Variants in RARB observed in about 807,000 individuals in gnomAD.
The protein encoded by RARB is retinoic acid receptor beta, also known as HBV-activated protein.
Under a neutral mutation model 51.9 loss-of-function variants are expected in RARB, and 17 were observed. The observed-to-expected ratio is 0.33, with a 90% CI of 0.22 to 0.49. RARB has a LOEUF of 0.49. RARB is among the 20% of genes least tolerant of loss of function. RARB has a pLI of 0.99. For synonymous variants in RARB, 215 were observed against 195.4 expected (o/e 1.10, Z -0.84); for missense variants, 369 against 550.8 (o/e 0.67, Z 3.30).
intron 3 of RARB, among the ~76,000 whole-genome samples, chr3:25,125,121 A>ATT (rs958597492): frequency 6.6e-6 from 1 of 152,208 alleles, no homozygotes; most frequent in Non-Finnish European, 1.5e-5. Flanking sequence ...CTCAAAAAAT[A>ATT]TTGATTTTTT....
At chr3:24,834,210 G>A (rs745421560) in intron 1 of RARB, among the ~76,000 whole-genome samples, 1 of 152,132 alleles carries the variant, frequency 6.6e-6, no homozygotes, top group Non-Finnish European at 1.5e-5. Context: ...ACAGATTATG[G>A]AATTTCACTT....
intron 2 of RARB, among the ~76,000 whole-genome samples, chr3:25,494,723 A>T (rs1282198745): frequency 1.3e-5 from 2 of 152,200 alleles, no homozygotes; most frequent in African/African-American, 4.8e-5. Context: ...TTAAATATAG[A>T]GATGGCCTTT....
intron 4 of RARB, among the ~76,000 whole-genome samples, chr3:25,172,500 G>A (rs542797881): frequency 6.6e-6 from 1 of 152,170 alleles, no homozygotes; most frequent in Non-Finnish European, 1.5e-5. Flanking sequence ...TATTTGATTA[G>A]AACATTGTAG....
chr3:25,219,769 A>C (rs1701906269), intron 5 of RARB, among the ~76,000 whole-genome samples: 1 of 152,182 alleles, frequency 6.6e-6, no homozygotes, highest in African/African-American at 2.4e-5. Context: ...TTGTCAAAGA[A>C]CCATACTACC....
intron 2 of RARB, among the ~76,000 whole-genome samples, chr3:24,935,323 T>C (rs2125396285): frequency 6.6e-6 from 1 of 152,262 alleles, no homozygotes; most frequent in East Asian, 1.9e-4. Context: ...ATTTATTTCC[T>C]TCCCTAGTAT....
chr3:25,238,155 C>T (rs555370277), intron 5 of RARB, among the ~76,000 whole-genome samples: 4 of 151,904 alleles, frequency 2.6e-5, no homozygotes, highest in Admixed American at 6.6e-5. Flanking sequence ...CCAGCGCCCC[C>T]CCACACATCC....
At chr3:25,545,298 G>C (rs529834296) in intron 3 of RARB, among the ~76,000 whole-genome samples, 1 of 152,138 alleles carries the variant, frequency 6.6e-6, no homozygotes, top group Non-Finnish European at 1.5e-5. Flanking sequence ...CCTTAAGAAA[G>C]ATGGCAGTGA....
At chr3:25,173,129 T>C (rs1700674714) in intron 4 of RARB, among the ~76,000 whole-genome samples, 2 of 152,208 alleles carry the variant, frequency 1.3e-5, no homozygotes, top group African/African-American at 4.8e-5. Flanking sequence ...AGGGCCAAGG[T>C]GAGGCTATGA....
intron 2 of RARB, among the ~76,000 whole-genome samples, chr3:25,002,091 C>T (rs1296449342): frequency 6.6e-6 from 1 of 152,074 alleles, no homozygotes. Context: ...ATTCTTGGGA[C>T]AGTGGATTTA....
At chr3:25,059,791 G>T (rs1283348460) in intron 2 of RARB, among the ~76,000 whole-genome samples, 1 of 151,616 alleles carries the variant, frequency 6.6e-6, no homozygotes, top group Admixed American at 6.6e-5. Flanking sequence ...AGGATTCTTT[G>T]TCCCCCCAAA....
intron 5 of RARB, among the ~76,000 whole-genome samples, chr3:25,279,687 G>A (rs1365715157): frequency 6.6e-6 from 1 of 152,078 alleles, no homozygotes; most frequent in Admixed American, 6.6e-5. Context: ...AAATATGGTG[G>A]ATGGCCAGAG....
chr3:25,461,049 A>T, intron 1 of RARB, 144 bp from the exon 2 acceptor site: 1 of 927,924 alleles, frequency 1.1e-6, no homozygotes, highest in Non-Finnish European at 1.6e-6. Flanking sequence ...TGCTGGGCCT[A>T]CAATGACAGC....
intron 4 of RARB, among the ~76,000 whole-genome samples, chr3:25,152,074 C>T (rs1329923273): frequency 1.3e-5 from 2 of 152,170 alleles, no homozygotes; most frequent in Non-Finnish European, 2.9e-5. Flanking sequence ...CTATATTTGA[C>T]TGATTTACAC....
rs186341655 is a variant in RARB, at chr3:25,172,788, C to T, written c.-279-1331C>T. On this transcript the variant is annotated intron_variant, in intron 4 of 11. Transcript: ENST00000383772. Reference sequence around the variant, plus strand: ...AATAGAAACTCTTACCAAGCGTTTACTATTTACCTAGTGTTTACTATATAC... The same window carrying T: ...AATAGAAACTCTTACCAAGCGTTTATTATTTACCTAGTGTTTACTATATAC... 1.7e-3 allele frequency among the ~76,000 whole-genome samples: 258 copies of T among 152,262 alleles called. 2 individuals are homozygous for T. The highest frequency in any genetic ancestry group is 6.0e-3 in the African/African-American group (249 of 41,556).
At chr3:25,164,241 T>TG (rs1700525253) in intron 4 of RARB, among the ~76,000 whole-genome samples, 2 of 152,150 alleles carry the variant, frequency 1.3e-5, no homozygotes, top group Admixed American at 1.3e-4. Flanking sequence ...CCCGAGAAAC[T>TG]GATGAGAATG....
rs554451958 is a variant in RARB at position 25,279,730 on chromosome 3, G to T, written c.178+105155G>T. ...AGAATGAGAAGGTCTTGGTGGTGAG[G>T]ATGGTTGAGGACTAGTGATATATTA... is the stretch of plus-strand genomic sequence containing the variant. On this transcript the variant is annotated intron_variant, in intron 5 of 11. Transcript: ENST00000383772. 3.3e-5 allele frequency among the ~76,000 whole-genome samples: 5 copies of T among 152,288 alleles called. 1 individual carries two copies. In the East Asian group the frequency reaches 9.6e-4, roughly 29 times the overall value.
At chr3:25,042,339 A>G (rs1472305854) in intron 2 of RARB, among the ~76,000 whole-genome samples, 4 of 152,216 alleles carry the variant, frequency 2.6e-5, no homozygotes, top group Non-Finnish European at 5.9e-5. Context: ...AGGCATTAGG[A>G]ATGTAGATTA....
At chr3:24,909,366 A>C (rs958927034) in intron 2 of RARB, among the ~76,000 whole-genome samples, 3 of 152,196 alleles carry the variant, frequency 2.0e-5, no homozygotes, top group Non-Finnish European at 4.4e-5. Context: ...GAGCAATATC[A>C]ATAAAATATG....
At chr3:25,526,378 A>G (rs1042436975) in intron 3 of RARB, among the ~76,000 whole-genome samples, 5 of 152,188 alleles carry the variant, frequency 3.3e-5, no homozygotes, top group Admixed American at 3.3e-4. Flanking sequence ...AGTGATAAAC[A>G]TTGAGTGACA....
Sources: allele counts gnomAD v4.1 joint callset (sites outside exome capture counted in the v4.1 genomes callset), GRCh38; gene constraint gnomAD v4.1.1; transcripts MANE v1.5; gene names NCBI Gene and HGNC (gene_info 2026-07-23, HGNC 2026-07-21).